The following SYNDIG1 variants were observed in gnomAD, a reference collection of about 807,000 sequenced individuals.
SYNDIG1 encodes the protein synapse differentiation inducing 1, also known as synapse differentiation-inducing gene protein 1.
In SYNDIG1, 9 loss-of-function variants were observed where a neutral mutation model predicts 19.4. The ratio of observed to expected loss-of-function variants is 0.46; its 90% CI spans 0.28 to 0.81. SYNDIG1 has a LOEUF of 0.81. SYNDIG1 is among the 30% of genes least tolerant of loss of function. The pLI, the probability that SYNDIG1 is intolerant of heterozygous loss-of-function variation, is 0.12. For synonymous variants in SYNDIG1, 141 were observed against 145.9 expected, an observed-to-expected ratio of 0.97 and a Z score of 0.24; for missense variants, 311 against 343.3, an observed-to-expected ratio of 0.91 and a Z score of 0.74.
chr20:24,620,550 T>C (rs1023437533), intron 3 of SYNDIG1, among the ~76,000 whole-genome samples: 3 of 152,208 alleles, frequency 2.0e-5, no homozygotes, highest in Admixed American at 1.3e-4. Flanking sequence ...ACGTCCTACA[T>C]CAAGGTGGAG....
chr20:24,499,696 A>T (rs1281599685), intron 1 of SYNDIG1, among the ~76,000 whole-genome samples: 1 of 152,216 alleles, frequency 6.6e-6, no homozygotes, highest in Non-Finnish European at 1.5e-5. Context: ...CCAAACAGCC[A>T]TTCTCCATGC....
chr20:24,519,838 T>G (rs907520246), intron 1 of SYNDIG1, among the ~76,000 whole-genome samples: 1 of 150,612 alleles, frequency 6.6e-6, no homozygotes, highest in Non-Finnish European at 1.5e-5. Context: ...CACGCGCACA[T>G]GCACACACAC....
At chr20:24,660,859 T>C (rs2059576617) in intron 3 of SYNDIG1, among the ~76,000 whole-genome samples, 1 of 152,154 alleles carries the variant, frequency 6.6e-6, no homozygotes, top group Non-Finnish European at 1.5e-5. Flanking sequence ...GGGCTGGTCA[T>C]CTCCACAGAG....
chr20:24,502,207 C>G (rs960268901), intron 1 of SYNDIG1: 1 of 152,402 alleles, frequency 6.6e-6, no homozygotes, highest in South Asian at 2.1e-4. Flanking sequence ...GAACCACCTC[C>G]CAAGTGCACT....
At chr20:24,542,643 T>G (rs1310664823) in intron 1 of SYNDIG1, among the ~76,000 whole-genome samples, 2 of 152,230 alleles carry the variant, frequency 1.3e-5, no homozygotes, top group African/African-American at 4.8e-5. Flanking sequence ...GCTAATCGCC[T>G]TTACAGATTT....
At chr20:24,561,144 G>A (rs1443890544) in intron 2 of SYNDIG1, among the ~76,000 whole-genome samples, 1 of 152,102 alleles carries the variant, frequency 6.6e-6, no homozygotes, top group Non-Finnish European at 1.5e-5. Context: ...CTGTCTGCCA[G>A]TAGCTCCGTG....
At position 24,559,995 on chromosome 20, in the gene SYNDIG1, A is replaced by G. The variant is rs934477531; in HGVS notation, c.480+16418A>G. On this transcript the variant is annotated intron_variant, in intron 2 of 3. Coordinates refer to ENST00000376862, the MANE Select transcript of SYNDIG1 (RefSeq NM_024893.3). ...TGAATCTATAACTTTTTTCTTCTTCATATTTGGGAAGGTTTTGGCCATTAT... is the reference window on the plus strand; with the variant it reads ...TGAATCTATAACTTTTTTCTTCTTCGTATTTGGGAAGGTTTTGGCCATTAT... Among the ~76,000 whole-genome samples the G allele has an allele frequency of 1.0e-4, 7 of 68,282 alleles. No individual in the cohort carries two copies. The South Asian group carries it at 1.5e-3, about 15-fold the overall frequency. 44.8% of individuals were successfully genotyped at this position (68,282 alleles called of 152,430 possible).
At chr20:24,546,517 T>G (rs1026176911) in intron 2 of SYNDIG1, among the ~76,000 whole-genome samples, 6 of 152,220 alleles carry the variant, frequency 3.9e-5, no homozygotes, top group Non-Finnish European at 1.5e-5. Flanking sequence ...TTGGCTGCAG[T>G]GACAGAGGTA....
intron 1 of SYNDIG1, among the ~76,000 whole-genome samples, chr20:24,518,074 G>GT (rs2056925350): frequency 6.6e-6 from 1 of 151,868 alleles, no homozygotes; most frequent in Admixed American, 6.6e-5. Context: ...CCAAAGTGCT[G>GT]TTTTTTAGGA....
At chr20:24,516,161 T>C (rs1441609763) in intron 1 of SYNDIG1, among the ~76,000 whole-genome samples, 1 of 152,242 alleles carries the variant, frequency 6.6e-6, no homozygotes, top group Non-Finnish European at 1.5e-5. Context: ...ACTGGATCCC[T>C]TCCTTACACC....
At chr20:24,491,648 C>T (rs1259527654) in intron 1 of SYNDIG1, 2 of 152,306 alleles carry the variant, frequency 1.3e-5, no homozygotes, top group Non-Finnish European at 2.9e-5. Flanking sequence ...GCAGACCCAA[C>T]ACTGACACTG....
chr20:24,604,601 G>A (rs2058726355), intron 3 of SYNDIG1, among the ~76,000 whole-genome samples: 1 of 152,158 alleles, frequency 6.6e-6, no homozygotes, highest in Non-Finnish European at 1.5e-5. Flanking sequence ...TCAGTTCTGG[G>A]AATTGCTCAC....
intron 1 of SYNDIG1, among the ~76,000 whole-genome samples, chr20:24,530,781 G>C (rs1402335559): frequency 6.6e-6 from 1 of 151,854 alleles, no homozygotes; most frequent in Non-Finnish European, 1.5e-5. Flanking sequence ...TTTTGTGGGG[G>C]GTTTTGTTTG....
At chr20:24,626,097 C>T (rs1239555687) in intron 3 of SYNDIG1, among the ~76,000 whole-genome samples, 16 of 150,646 alleles carry the variant, frequency 1.1e-4, no homozygotes, top group Admixed American at 2.0e-4. Context: ...AGGGGCTCCT[C>T]ACTTCCCAGT....
intron 1 of SYNDIG1, among the ~76,000 whole-genome samples, chr20:24,504,124 A>G (rs543909150): frequency 1.3e-4 from 20 of 152,048 alleles, no homozygotes; most frequent in Non-Finnish European, 2.5e-4. Context: ...CACGCCGACT[A>G]ATTTTTTGTA....
At chr20:24,626,294 G>A (rs1283499247) in intron 3 of SYNDIG1, among the ~76,000 whole-genome samples, 3 of 151,958 alleles carry the variant, frequency 2.0e-5, no homozygotes, top group Non-Finnish European at 4.4e-5. Flanking sequence ...TGGCAGCCGG[G>A]CGGAGGGGCT....
intron 1 of SYNDIG1, among the ~76,000 whole-genome samples, chr20:24,521,886 A>G (rs1305772940): frequency 2.9e-5 from 4 of 137,514 alleles, no homozygotes; most frequent in African/African-American, 8.5e-5. Flanking sequence ...GGTGAAAAAG[A>G]AAGACTCCCT....
chr20:24,544,832 A>G (rs1156968464), intron 2 of SYNDIG1, among the ~76,000 whole-genome samples: 1 of 152,184 alleles, frequency 6.6e-6, no homozygotes. Context: ...AGACTCCTGG[A>G]GAAACTGCCC....
At chr20:24,587,205 G>T (rs562151112) in intron 3 of SYNDIG1, among the ~76,000 whole-genome samples, 1 of 152,186 alleles carries the variant, frequency 6.6e-6, no homozygotes, top group Non-Finnish European at 1.5e-5. Flanking sequence ...CACTATGGGC[G>T]TAGAGAGGAG....
Sources: allele counts gnomAD v4.1 joint callset (sites outside exome capture counted in the v4.1 genomes callset), GRCh38; gene constraint gnomAD v4.1.1; transcripts MANE v1.5; gene names NCBI Gene and HGNC (gene_info 2026-07-23, HGNC 2026-07-21).